ASCC3: variants seen among roughly 807,000 people sequenced by gnomAD.
The protein encoded by ASCC3 is ASC-1 complex subunit P200.
Under a neutral mutation model 256.3 loss-of-function variants are expected in ASCC3, and 158 were observed. That is an observed-to-expected ratio of 0.62 (90% CI 0.54 to 0.70). The LOEUF (loss-of-function observed/expected upper bound fraction) is 0.70, where lower values mean the gene tolerates loss of function less well. Among genes scored for constraint, ASCC3 ranks in the 30% least tolerant of loss-of-function variants. The pLI is 0.00. For missense variants in ASCC3, 2,259 were observed against 2,626.0 expected, an observed-to-expected ratio of 0.86 and a Z score of 3.05; for synonymous variants, 948 against 883.4, an observed-to-expected ratio of 1.07 and a Z score of -1.30.
intron 11 of ASCC3, among the ~76,000 whole-genome samples, chr6:100,721,072 T>C (rs1297972199): frequency 6.6e-6 from 1 of 151,386 alleles, no homozygotes; most frequent in Non-Finnish European, 1.5e-5. Flanking sequence ...TGATATATAA[T>C]GTTATATCTA....
chr6:100,862,000 C>T (rs1773248629), intron 3 of ASCC3, among the ~76,000 whole-genome samples: 2 of 151,914 alleles, frequency 1.3e-5, no homozygotes, highest in Non-Finnish European at 1.5e-5. Context: ...TATTTAGAGG[C>T]ATTTTTATAA....
At chr6:100,824,894 T>C (rs529803722) in intron 4 of ASCC3, among the ~76,000 whole-genome samples, 17 of 152,094 alleles carry the variant, frequency 1.1e-4, no homozygotes, top group Non-Finnish European at 1.8e-4. Context: ...AAGGATTAGT[T>C]TTTTGTTTCT....
intron 37 of ASCC3, among the ~76,000 whole-genome samples, chr6:100,532,363 T>C (rs1184446357): frequency 5.2e-5 from 7 of 133,826 alleles, no homozygotes; most frequent in African/African-American, 1.8e-4. Flanking sequence ...TGTGTGTGTG[T>C]GTGTGTGTAT....
At chr6:100,619,993 A>G (rs920591971) in intron 30 of ASCC3, among the ~76,000 whole-genome samples, 9 of 152,112 alleles carry the variant, frequency 5.9e-5, no homozygotes, top group African/African-American at 2.2e-4. Context: ...GCATTGCTAG[A>G]AAAAAAATTT....
Position 100,766,582 on chromosome 6 carries a change from C to A in ASCC3, c.1720G>T (p.Glu574Ter). ...CAACATACCTGAGTTCGTAAAATTT[C>A]ACTTTTGGACAACTGCATGTCACCA... Reference protein sequence around the residue: ...LTGDMQLSKSEILRTQMLVTT... With the variant: ...LTGDMQLSKS The change falls in exon 10 of 42, where the codon GAA (glutamate) becomes TAA (stop). Residue 574 changes from glutamate (E) to a stop codon, truncating the protein, a stop_gained. Transcript: ENST00000369162. LOFTEE classifies it high-confidence loss of function. The A allele has an allele frequency of 6.2e-7, 1 of 1,614,030 alleles. No individual in the cohort carries two copies. The highest frequency in any genetic ancestry group is 8.5e-7 in the Non-Finnish European group (1 of 1,179,946).
chr6:100,734,446 G>T (rs1780052858), intron 10 of ASCC3, among the ~76,000 whole-genome samples: 1 of 152,050 alleles, frequency 6.6e-6, no homozygotes, highest in Admixed American at 6.6e-5. Context: ...ATCAGACTGA[G>T]TAGTCTGAGT....
intron 36 of ASCC3, among the ~76,000 whole-genome samples, chr6:100,586,600 C>A (rs1195041749): frequency 6.6e-6 from 1 of 152,190 alleles, no homozygotes; most frequent in African/African-American, 2.4e-5. Context: ...CTGACCTGCA[C>A]CCACTGTCTG....
At chr6:100,786,495 A>G (rs953935744) in intron 8 of ASCC3, among the ~76,000 whole-genome samples, 9 of 152,200 alleles carry the variant, frequency 5.9e-5, no homozygotes, top group African/African-American at 2.2e-4. Context: ...AACATCTGTA[A>G]TATTTTATGG....
intron 13 of ASCC3, among the ~76,000 whole-genome samples, chr6:100,705,409 ATTTG>A (rs1259572263): frequency 6.6e-6 from 1 of 152,050 alleles, no homozygotes; most frequent in Non-Finnish European, 1.5e-5. Flanking sequence ...AATTGAATTC[ATTTG>A]TTTATTTAAG....
chr6:100,828,100 AAAAAAAAACG>A (rs1240368159), intron 4 of ASCC3, among the ~76,000 whole-genome samples: 18 of 151,328 alleles, frequency 1.2e-4, no homozygotes, highest in African/African-American at 3.6e-4. Context: ...TCTAAAAAAA[AAAAAAAAACG>A]AAAAAAAGCT....
At chr6:100,533,857 G>T (rs1308970303) in intron 37 of ASCC3, among the ~76,000 whole-genome samples, 1 of 152,160 alleles carries the variant, frequency 6.6e-6, no homozygotes, top group East Asian at 1.9e-4. Context: ...TCTTAGAAAG[G>T]ATCAGAGATA....
intron 17 of ASCC3, among the ~76,000 whole-genome samples, chr6:100,654,136 T>A (rs1775807956): frequency 6.6e-6 from 1 of 152,032 alleles, no homozygotes. Context: ...GTCTTAAATG[T>A]TTGCTATGAG....
intron 1 of ASCC3, among the ~76,000 whole-genome samples, chr6:100,870,289 G>C (rs12211316): frequency 0.086 from 13,025 of 151,592 alleles, 731 homozygotes; most frequent in South Asian, 0.14. Flanking sequence ...GCTTGAACCT[G>C]GGAGGCAGAG....
At chr6:100,703,910 T>G (rs1184360147) in intron 13 of ASCC3, among the ~76,000 whole-genome samples, 1 of 151,728 alleles carries the variant, frequency 6.6e-6, no homozygotes, top group African/African-American at 2.4e-5. Context: ...AAGTATCAAC[T>G]ATTGTTTTTA....
At chr6:100,557,563 T>G (rs906925818) in intron 36 of ASCC3, among the ~76,000 whole-genome samples, 6 of 152,130 alleles carry the variant, frequency 3.9e-5, no homozygotes, top group African/African-American at 1.4e-4. Flanking sequence ...GTATAGCCAC[T>G]GACTGACATT....
intron 36 of ASCC3, among the ~76,000 whole-genome samples, chr6:100,584,072 G>C (rs1198444857): frequency 6.6e-6 from 1 of 151,514 alleles, no homozygotes; most frequent in Non-Finnish European, 1.5e-5. Flanking sequence ...TGTTGATTTG[G>C]GGTGGAGAGT....
intron 36 of ASCC3, among the ~76,000 whole-genome samples, chr6:100,566,364 T>C (rs1229820482): frequency 6.6e-6 from 1 of 152,152 alleles, no homozygotes; most frequent in Non-Finnish European, 1.5e-5. Context: ...ATGCTGAGAT[T>C]CGAACCCATG....
rs1400742419 is a variant in ASCC3, at chr6:100,798,836, C to T, written c.1272G>A (p.Met424Ile). The T allele has an allele frequency of 3.7e-6, 6 of 1,609,182 alleles. No individual in the cohort carries two copies. ...KTSAFIAGAK[M>I]ILPEGIQREN... Reference sequence around the variant, plus strand: ...CTCTTTGGATTCCTTCTGGCAAAATCATCTATAAACATCAACAATAAAAAT... The same window carrying T: ...CTCTTTGGATTCCTTCTGGCAAAATTATCTATAAACATCAACAATAAAAAT... Residue 424 changes from methionine (M) to isoleucine (I), a missense_variant and splice_region_variant, in exon 8 of 42, where the codon ATG (methionine) becomes ATA (isoleucine). This residue lies in a region of ASCC3 where 1,839 missense variants were observed against 2,206.7 expected (regional missense o/e 0.83). Transcript: ENST00000369162.
chr6:100,584,841 G>A (rs560773206), intron 36 of ASCC3, among the ~76,000 whole-genome samples: 1 of 152,158 alleles, frequency 6.6e-6, no homozygotes, highest in East Asian at 1.9e-4. Flanking sequence ...CTTCAGTTAT[G>A]AAGCTTAGTT....
Sources: allele counts gnomAD v4.1 joint callset (sites outside exome capture counted in the v4.1 genomes callset), GRCh38; gene constraint gnomAD v4.1.1; regional missense constraint gnomAD v4.1.1; transcripts MANE v1.5; gene names NCBI Gene and HGNC (gene_info 2026-07-23, HGNC 2026-07-21).